The following SNX18 variants were observed in gnomAD, a reference collection of about 807,000 sequenced individuals.
The protein encoded by SNX18 is sorting nexin-18.
In SNX18, 35 loss-of-function variants were observed where a neutral mutation model predicts 48.7. That is an observed-to-expected ratio of 0.72 (90% confidence interval 0.55 to 0.95). SNX18 has a LOEUF of 0.95. Ranked by LOEUF, SNX18 falls within the 40% of genes least tolerant of loss-of-function variation. The pLI is 0.00. For synonymous variants in SNX18, 492 were observed against 384.7 expected (o/e 1.28, Z -3.26); for missense variants, 824 against 871.0 (o/e 0.95, Z 0.68).
chr5:54,612,893 T>A, the SNX18 span, among the ~76,000 whole-genome samples: 3 of 152,162 alleles, frequency 2.0e-5, no homozygotes, highest in Non-Finnish European at 4.4e-5. Flanking sequence ...AGACACTAGA[T>A]TCCCACCCTA....
chr5:54,556,861 G>T, the SNX18 span, among the ~76,000 whole-genome samples: 2 of 152,122 alleles, frequency 1.3e-5, no homozygotes, highest in Non-Finnish European at 1.5e-5. Flanking sequence ...GACCCATCTT[G>T]AATATTTTAA....
At chr5:54,588,613 CA>C in the SNX18 span, among the ~76,000 whole-genome samples, 8 of 152,146 alleles carry the variant, frequency 5.3e-5, no homozygotes, top group Non-Finnish European at 1.2e-4. Context: ...AGGCGTGAGC[CA>C]CCGCACCCAG....
the SNX18 span, among the ~76,000 whole-genome samples, chr5:54,559,472 G>A: frequency 6.6e-6 from 1 of 152,182 alleles, no homozygotes; most frequent in Admixed American, 6.5e-5. Flanking sequence ...AAGCAATGGG[G>A]AAAAGACTCC....
At chr5:54,607,006 C>T in the SNX18 span, among the ~76,000 whole-genome samples, 2 of 152,116 alleles carry the variant, frequency 1.3e-5, no homozygotes, top group Admixed American at 6.5e-5. Flanking sequence ...CAACCATTAA[C>T]AAATATGTCC....
At chr5:54,568,464 G>A in the SNX18 span, among the ~76,000 whole-genome samples, 1 of 152,088 alleles carries the variant, frequency 6.6e-6, no homozygotes, top group Non-Finnish European at 1.5e-5. Flanking sequence ...GGCCCTCAAT[G>A]GGAACCCCTA....
chr5:54,604,155 A>G, the SNX18 span, among the ~76,000 whole-genome samples: 1 of 152,228 alleles, frequency 6.6e-6, no homozygotes, highest in Non-Finnish European at 1.5e-5. Context: ...TGCTGACAGT[A>G]TGATGGCTTT....
At position 54,518,180 on chromosome 5, in the gene SNX18, C is replaced by G; in HGVS notation, c.228C>G (p.Ala76=). The G allele has an allele frequency of 2.2e-6, 3 of 1,385,180 alleles. No homozygotes were observed. Among genetic ancestry groups the G allele is most frequent in the Non-Finnish European group, 2.8e-6 (3 of 1,077,790 alleles). 85.8% of individuals were successfully genotyped at this position (1,385,180 alleles called of 1,614,324 possible). ...GAGACGGCGGCCCGGGCGCCCCGGCCCGCTACGCCAATGTGCCCCCCGGGG... is the reference window on the plus strand; with the variant it reads ...GAGACGGCGGCCCGGGCGCCCCGGCGCGCTACGCCAATGTGCCCCCCGGGG... The part of the protein sequence containing the change: ...PAGDGGPGAP[A]RYANVPPGGF... The change falls in exon 1 of 2, where the codon GCC becomes GCG. Residue 76 remains alanine, a synonymous_variant. Coordinates refer to ENST00000381410, the MANE Select transcript of SNX18 (RefSeq NM_001102575.2).
chr5:54,612,832 C>T, the SNX18 span, among the ~76,000 whole-genome samples: 556 of 152,246 alleles, frequency 3.7e-3, 4 homozygotes, highest in African/African-American at 0.013. Flanking sequence ...TGTCATGTTT[C>T]TCAGTCAGTG....
At chr5:54,629,979 G>C in the SNX18 span, among the ~76,000 whole-genome samples, 1 of 152,194 alleles carries the variant, frequency 6.6e-6, no homozygotes, top group African/African-American at 2.4e-5. Flanking sequence ...GATATTTATT[G>C]AGCTCTTATC....
the SNX18 span, among the ~76,000 whole-genome samples, chr5:54,615,728 G>T: frequency 6.6e-6 from 1 of 152,034 alleles, no homozygotes; most frequent in Non-Finnish European, 1.5e-5. Context: ...GGGTAGCTCT[G>T]GAGGAAAAAA....
the SNX18 span, among the ~76,000 whole-genome samples, chr5:54,583,417 G>C: frequency 6.6e-5 from 10 of 152,332 alleles, no homozygotes; most frequent in African/African-American, 2.4e-4. Flanking sequence ...ACTACAAGAA[G>C]AGCTCAGGCT....
At chr5:54,639,375 T>C in the SNX18 span, among the ~76,000 whole-genome samples, 1 of 152,236 alleles carries the variant, frequency 6.6e-6, no homozygotes, top group Admixed American at 6.5e-5. Flanking sequence ...TAATTGTGGC[T>C]GATCACAATA....
the SNX18 span, among the ~76,000 whole-genome samples, chr5:54,636,572 C>T: frequency 6.6e-6 from 1 of 152,188 alleles, no homozygotes; most frequent in African/African-American, 2.4e-5. Flanking sequence ...ATACCTTTCC[C>T]CAGCCCCTAC....
chr5:54,585,470 G>T, the SNX18 span, among the ~76,000 whole-genome samples: 1 of 152,184 alleles, frequency 6.6e-6, no homozygotes, highest in South Asian at 2.1e-4. Flanking sequence ...GAGAGTCACA[G>T]AGGCCTGGTT....
intron 1 of SNX18, among the ~76,000 whole-genome samples, chr5:54,532,382 A>C (rs1014191144): frequency 2.7e-5 from 4 of 147,132 alleles, no homozygotes; most frequent in African/African-American, 1.0e-4. Flanking sequence ...AGAACTGGGC[A>C]CTGCAGACCT....
chr5:54,556,091 AAC>A, the SNX18 span, among the ~76,000 whole-genome samples: 2 of 152,122 alleles, frequency 1.3e-5, no homozygotes, highest in Admixed American at 6.5e-5. Flanking sequence ...CCATAGTACT[AAC>A]ACAATATTTT....
chr5:54,622,557 C>T, the SNX18 span, among the ~76,000 whole-genome samples: 1 of 149,534 alleles, frequency 6.7e-6, no homozygotes, highest in East Asian at 1.9e-4. Context: ...TAGGGCTCTG[C>T]AAATGCTTTT....
rs1240548787 is a variant in SNX18, at chr5:54,518,744, C to T, written c.792C>T (p.Pro264=). The part of the protein sequence containing the change: ...DGDKLCVVLG[P]YGPEWQENPY... ...ACAAGCTGTGCGTGGTGCTGGGGCC[C>T]TATGGCCCCGAGTGGCAGGAGAACC... Residue 264 remains proline, a synonymous_variant, in exon 1 of 2, where the codon CCC becomes CCT. Coordinates refer to ENST00000381410, the MANE Select transcript of SNX18 (RefSeq NM_001102575.2). The T allele has an allele frequency of 1.9e-6, 3 of 1,605,946 alleles. No individual in the cohort carries two copies. The highest frequency in any genetic ancestry group is 2.6e-6 in the Non-Finnish European group (3 of 1,175,932).
Position 54,546,286 on chromosome 5 carries a change from G to C in SNX18, c.*2854G>C, listed in dbSNP as rs1315108665. The C allele has an allele frequency of 6.6e-6, 1 of 152,274 alleles. No homozygotes were observed. The highest frequency in any genetic ancestry group is 2.1e-4 in the South Asian group (1 of 4,830). 9.4% of individuals were successfully genotyped at this position (152,274 alleles called of 1,614,324 possible). On this transcript the variant is annotated 3_prime_UTR_variant, in exon 2 of 2. Transcript: ENST00000381410. Reference sequence around the variant, plus strand: ...CTTGAAAAATGTTTTAGTCTGTCAAGTATGTAAAGTTTGTGTAAAAACTTT... The same window carrying C: ...CTTGAAAAATGTTTTAGTCTGTCAACTATGTAAAGTTTGTGTAAAAACTTT...
Sources: allele counts gnomAD v4.1 joint callset (sites outside exome capture counted in the v4.1 genomes callset), GRCh38; gene constraint gnomAD v4.1.1; transcripts MANE v1.5; gene names NCBI Gene and HGNC (gene_info 2026-07-23, HGNC 2026-07-21).